MINDY4: variants seen among roughly 807,000 people sequenced by gnomAD.
MINDY4 encodes the protein MINDY lysine 48 deubiquitinase 4.
In MINDY4, 68 loss-of-function variants were observed where a neutral mutation model predicts 87.0. That is an observed-to-expected ratio of 0.78 (90% CI 0.64 to 0.96). MINDY4 has a LOEUF of 0.96. Ranked by LOEUF, MINDY4 falls within the 40% of genes least tolerant of loss-of-function variation. MINDY4 has a pLI of 0.00. For synonymous variants in MINDY4, 379 were observed against 363.2 expected, an observed-to-expected ratio of 1.04 and a Z score of -0.50; for missense variants, 919 against 928.2, an observed-to-expected ratio of 0.99 and a Z score of 0.13.
chr7:30,774,690 A>G (rs1462115414), intron 1 of MINDY4, among the ~76,000 whole-genome samples: 1 of 151,742 alleles, frequency 6.6e-6, no homozygotes, highest in Non-Finnish European at 1.5e-5. Flanking sequence ...TCTAATGATT[A>G]TGTTTGTCAC....
chr7:30,806,387 GTAAAA>G (rs1787805414), intron 5 of MINDY4, among the ~76,000 whole-genome samples: 1 of 152,052 alleles, frequency 6.6e-6, no homozygotes, highest in Non-Finnish European at 1.5e-5. Context: ...TAAGGAATAA[GTAAAA>G]TAAAATATAT....
intron 5 of MINDY4, among the ~76,000 whole-genome samples, chr7:30,807,763 T>C (rs1402273210): frequency 2.0e-5 from 3 of 152,244 alleles, no homozygotes; most frequent in Non-Finnish European, 1.5e-5. Flanking sequence ...TGTTCTGTTC[T>C]AATTACCGGT....
At chr7:30,845,161 G>A (rs1258932316) in intron 9 of MINDY4, among the ~76,000 whole-genome samples, 2 of 152,132 alleles carry the variant, frequency 1.3e-5, no homozygotes, top group African/African-American at 2.4e-5. Flanking sequence ...GACTTCCATC[G>A]CTGGACACCC....
intron 10 of MINDY4, among the ~76,000 whole-genome samples, chr7:30,851,761 C>T (rs1475881573): frequency 6.6e-6 from 1 of 152,242 alleles, no homozygotes; most frequent in Non-Finnish European, 1.5e-5. Flanking sequence ...GGGCCCCAAA[C>T]CCGGCTCCGA....
chr7:30,782,078 C>G lies in MINDY4; in HGVS notation c.285C>G (p.Ile95Met). 1 of 1,614,094 alleles carries G rather than the reference C, an allele frequency of 6.2e-7. No individual in the cohort carries two copies. The change falls in exon 3 of 18, where the codon ATC becomes ATG. Residue 95 changes from isoleucine to methionine, a missense_variant. Transcript: ENST00000265299. Reference sequence around the variant, plus strand: ...ACAATTTCACTCAAGATACCCCAATCCCTGCACTCTCAGTTCCAAAGAAAA... The same window carrying G: ...ACAATTTCACTCAAGATACCCCAATGCCTGCACTCTCAGTTCCAAAGAAAA... ...TANNFTQDTP[I>M]PALSVPKKNN...
At chr7:30,852,164 G>T in intron 10 of MINDY4, 52 bp from the exon 11 acceptor site, 1 of 1,610,146 alleles carries the variant, frequency 6.2e-7, no homozygotes, top group African/African-American at 1.3e-5. Context: ...CCGGCTGGAG[G>T]GCACGCCTTC....
rs79748329 is a variant in MINDY4, at chr7:30,840,771, C to G, written c.1368C>G (p.Cys456Trp). The G allele has an allele frequency of 4.3e-6, 7 of 1,613,816 alleles. No individual in the cohort carries two copies. Among genetic ancestry groups the G allele is most frequent in the Non-Finnish European group, 5.9e-6 (7 of 1,179,912 alleles). Residue 456 changes from cysteine (C) to tryptophan (W), a missense_variant, in exon 9 of 18, where the codon TGC (cysteine) becomes TGG (tryptophan). Coordinates refer to ENST00000265299, the MANE Select transcript of MINDY4 (RefSeq NM_032222.3). ...YGIVQNKGGP[C>W]GVLAAVQGCV... ...CTCATTCTTTGCAGGGTGGTCCTTGCGGAGTCCTGGCAGCTGTCCAAGGCT... is the reference window on the plus strand; with the variant it reads ...CTCATTCTTTGCAGGGTGGTCCTTGGGGAGTCCTGGCAGCTGTCCAAGGCT...
intron 2 of MINDY4, among the ~76,000 whole-genome samples, chr7:30,779,036 A>G (rs552071415): frequency 6.6e-6 from 1 of 152,304 alleles, no homozygotes; most frequent in East Asian, 1.9e-4. Context: ...CAGGTGCATT[A>G]GAGTTGGAAA....
At chr7:30,778,674 C>T in intron 2 of MINDY4, 123 bp downstream of exon 2, 1 of 1,188,654 alleles carries the variant, frequency 8.4e-7, no homozygotes. Flanking sequence ...CACTTGCGGT[C>T]AGAGAGAAAC....
intron 9 of MINDY4, among the ~76,000 whole-genome samples, chr7:30,841,735 A>AT (rs1290401720): frequency 2.6e-5 from 4 of 152,204 alleles, no homozygotes; most frequent in Non-Finnish European, 5.9e-5. Flanking sequence ...CCATGAACAC[A>AT]TTGTCTAGAT....
At chr7:30,832,364 A>G (rs952063255) in intron 6 of MINDY4, among the ~76,000 whole-genome samples, 7 of 152,244 alleles carry the variant, frequency 4.6e-5, no homozygotes, top group African/African-American at 9.6e-5. Flanking sequence ...GTAATCTGGA[A>G]TCACTCAGGT....
At chr7:30,799,687 G>T (rs1418757163) in intron 5 of MINDY4, among the ~76,000 whole-genome samples, 1 of 152,224 alleles carries the variant, frequency 6.6e-6, no homozygotes, top group Non-Finnish European at 1.5e-5. Context: ...TTTGGGGGTG[G>T]AGCCCAGGAA....
chr7:30,833,601 T>G (rs1422596388), intron 6 of MINDY4, among the ~76,000 whole-genome samples: 14 of 152,264 alleles, frequency 9.2e-5, no homozygotes, highest in Non-Finnish European at 1.9e-4. Context: ...TCAAAACCAA[T>G]CATGCCTTCC....
chr7:30,837,800 C>T (rs544051085), intron 7 of MINDY4, among the ~76,000 whole-genome samples: 8 of 152,328 alleles, frequency 5.3e-5, no homozygotes, highest in South Asian at 2.1e-4. Context: ...CTCTGGAAAG[C>T]AGAGTCCAGG....
At chr7:30,818,724 G>A (rs1788236515) in intron 5 of MINDY4, among the ~76,000 whole-genome samples, 1 of 152,162 alleles carries the variant, frequency 6.6e-6, no homozygotes, top group Admixed American at 6.5e-5. Context: ...TGTTGGGGCT[G>A]GAAATGGGGG....
At chr7:30,798,202 T>G (rs1361145083) in intron 5 of MINDY4, among the ~76,000 whole-genome samples, 1 of 152,182 alleles carries the variant, frequency 6.6e-6, no homozygotes, top group Non-Finnish European at 1.5e-5. Flanking sequence ...GAAGTATTTG[T>G]TTATCTAAAC....
At chr7:30,879,768 G>T (rs1220625320) in intron 15 of MINDY4, among the ~76,000 whole-genome samples, 1 of 152,184 alleles carries the variant, frequency 6.6e-6, no homozygotes, top group Non-Finnish European at 1.5e-5. Context: ...CACCATCAGG[G>T]TATCTTAATT....
At chr7:30,880,311 C>G (rs1017869320) in intron 15 of MINDY4, among the ~76,000 whole-genome samples, 7 of 149,362 alleles carry the variant, frequency 4.7e-5, no homozygotes, top group Non-Finnish European at 1.0e-4. Context: ...CACCCCCCCC[C>G]ACCCCCGACT....
At chr7:30,815,088 T>G (rs1788108571) in intron 5 of MINDY4, among the ~76,000 whole-genome samples, 2 of 152,232 alleles carry the variant, frequency 1.3e-5, no homozygotes, top group South Asian at 4.1e-4. Flanking sequence ...AGGACAGTCA[T>G]GGGCAGGATT....
Sources: gnomAD v4.1 joint callset for allele counts (sites outside exome capture counted in the v4.1 genomes callset) on GRCh38, gnomAD v4.1.1 for gene constraint, MANE v1.5 for transcripts, NCBI Gene and HGNC (gene_info 2026-07-23, HGNC 2026-07-21) for gene names.